The following RAB30 variants were observed in gnomAD, a reference collection of about 807,000 sequenced individuals.
RAB30 encodes the protein RAB30, member RAS oncogene family, also known as ras-related protein Rab-30.
In RAB30, 9 loss-of-function variants were observed where a neutral mutation model predicts 25.1. The observed-to-expected ratio is 0.36, with a 90% CI of 0.22 to 0.63. The LOEUF is 0.63. Ranked by LOEUF, RAB30 falls within the 20% of genes least tolerant of loss-of-function variation. The pLI is 0.69. For synonymous variants in RAB30, 77 were observed against 86.4 expected (o/e 0.89, Z 0.60); for missense variants, 140 against 243.5 (o/e 0.58, Z 2.83).
intron 2 of RAB30, among the ~76,000 whole-genome samples, chr11:82,996,024 T>C (rs2121460582): frequency 6.6e-6 from 1 of 152,346 alleles, no homozygotes; most frequent in Non-Finnish European, 1.5e-5. Context: ...TAATGTTAGG[T>C]AGAAGTAAAA....
Position 82,974,796 on chromosome 11 carries a change from T to C in RAB30, c.*7369A>G, listed in dbSNP as rs1856513900. On this transcript the variant is annotated 3_prime_UTR_variant, in exon 5 of 5. Transcript: ENST00000527633. ...AGCTGCTGAGATCTCCAGAATTATA[T>C]ATTTTGCATTTTATTTCATCTCTAT... is the stretch of plus-strand genomic sequence containing the variant. 6.6e-6 allele frequency: 1 copy of C among 152,144 alleles called. No homozygotes were observed. The highest frequency in any genetic ancestry group is 1.9e-4 in the East Asian group (1 of 5,206). The allele number at this position is 152,144 out of a possible 1,614,324, so 9.4% of individuals were successfully genotyped here.
At chr11:83,014,329 C>T (rs1474679957) in intron 1 of RAB30, among the ~76,000 whole-genome samples, 1 of 152,122 alleles carries the variant, frequency 6.6e-6, no homozygotes, top group Admixed American at 6.6e-5. Flanking sequence ...AGAAGGAACA[C>T]TTGAGACCAG....
intron 1 of RAB30, among the ~76,000 whole-genome samples, chr11:83,029,779 T>C (rs1455271447): frequency 2.0e-5 from 3 of 152,232 alleles, no homozygotes; most frequent in East Asian, 3.9e-4. Flanking sequence ...TGCAAAGATA[T>C]GGAACCGACC....
At chr11:82,998,303 C>T (rs1342749604) in intron 1 of RAB30, among the ~76,000 whole-genome samples, 1 of 152,160 alleles carries the variant, frequency 6.6e-6, no homozygotes, top group African/African-American at 2.4e-5. Flanking sequence ...GCTAGAAAGA[C>T]TGTGACTAAA....
At chr11:82,990,204 C>A (rs1481155200) in intron 3 of RAB30, among the ~76,000 whole-genome samples, 1 of 152,238 alleles carries the variant, frequency 6.6e-6, no homozygotes, top group Non-Finnish European at 1.5e-5. Context: ...TCCATTGCCT[C>A]ACCGTCATAA....
intron 1 of RAB30, among the ~76,000 whole-genome samples, chr11:83,014,170 A>G (rs988044902): frequency 6.6e-6 from 1 of 152,250 alleles, no homozygotes; most frequent in Non-Finnish European, 1.5e-5. Context: ...AAGTGCTAGT[A>G]GAGAATTAAA....
intron 1 of RAB30, among the ~76,000 whole-genome samples, chr11:83,045,135 T>C (rs537769022): frequency 6.6e-6 from 1 of 152,300 alleles, no homozygotes; most frequent in East Asian, 1.9e-4. Context: ...GACACTGAAC[T>C]CCCATTGACT....
intron 1 of RAB30, among the ~76,000 whole-genome samples, chr11:83,066,368 C>T (rs1174045104): frequency 1.3e-5 from 2 of 152,146 alleles, no homozygotes; most frequent in African/African-American, 4.8e-5. Context: ...TGTAATTTTA[C>T]TAATCTATAT....
intron 1 of RAB30, among the ~76,000 whole-genome samples, chr11:83,024,009 T>C (rs538609062): frequency 6.6e-6 from 1 of 152,260 alleles, no homozygotes; most frequent in South Asian, 2.1e-4. Context: ...TGCTCACAAT[T>C]ATTTACTTAT....
chr11:83,021,716 T>G (rs1483245495), intron 1 of RAB30, among the ~76,000 whole-genome samples: 1 of 151,966 alleles, frequency 6.6e-6, no homozygotes, highest in African/African-American at 2.4e-5. Context: ...TGAGCAAAAC[T>G]AGGGCAAAGG....
At chr11:83,069,743 T>C (rs1217479863) in intron 1 of RAB30, among the ~76,000 whole-genome samples, 1 of 152,224 alleles carries the variant, frequency 6.6e-6, no homozygotes, top group East Asian at 1.9e-4. Context: ...CATAGGCAGG[T>C]GCCAGTGAAA....
At chr11:83,054,520 TG>T (rs1217667776) in intron 1 of RAB30, among the ~76,000 whole-genome samples, 1 of 152,084 alleles carries the variant, frequency 6.6e-6, no homozygotes, top group East Asian at 1.9e-4. Flanking sequence ...AGCCTGTCCC[TG>T]GTCATCTAGG....
chr11:83,070,683 T>A (rs1565295991), intron 1 of RAB30, among the ~76,000 whole-genome samples: 1 of 152,190 alleles, frequency 6.6e-6, no homozygotes, highest in Non-Finnish European at 1.5e-5. Flanking sequence ...GAGCATCATG[T>A]AAGTCAGAAT....
chr11:82,992,483 T>C, intron 3 of RAB30: 1 of 434,324 alleles, frequency 2.3e-6, no homozygotes. Flanking sequence ...ATGGCAAGTA[T>C]CTAGAAAATG....
At chr11:83,010,219 G>A (rs1041704550) in intron 1 of RAB30, among the ~76,000 whole-genome samples, 7 of 152,232 alleles carry the variant, frequency 4.6e-5, no homozygotes, top group Admixed American at 3.9e-4. Context: ...GGGAGGGCAA[G>A]AAGGAAGGAT....
chr11:83,026,236 A>T (rs1857709784), intron 1 of RAB30, among the ~76,000 whole-genome samples: 1 of 152,202 alleles, frequency 6.6e-6, no homozygotes, highest in African/African-American at 2.4e-5. Flanking sequence ...ATACATAAAA[A>T]AAAATAAGGC....
chr11:82,977,862 G>A lies in RAB30; in HGVS notation c.*4303C>T, dbSNP rs1291705299. 6.6e-6 allele frequency: 1 copy of A among 152,104 alleles called. No homozygotes were observed. The highest frequency in any genetic ancestry group is 1.5e-5 in the Non-Finnish European group (1 of 68,020). 9.4% of individuals were successfully genotyped at this position (152,104 alleles called of 1,614,324 possible). ...GAAATGCCATCTCCCTTACTCTAAT[G>A]TTGCTATATTAATATGTGTTTTGAA... On this transcript the variant is annotated 3_prime_UTR_variant, in exon 5 of 5. Coordinates refer to ENST00000527633, the MANE Select transcript of RAB30 (RefSeq NM_001286060.2).
intron 2 of RAB30, among the ~76,000 whole-genome samples, chr11:82,997,001 G>C (rs986057281): frequency 2.0e-5 from 3 of 152,198 alleles, no homozygotes; most frequent in Non-Finnish European, 4.4e-5. Flanking sequence ...AGAGGCATGG[G>C]AGGGTTGGTG....
At position 82,977,241 on chromosome 11, in the gene RAB30, G is replaced by C. The variant is rs1856560596; in HGVS notation, c.*4924C>G. ...ATCAATGAATGGACCGACAAAGCAAGTCCAGCATAGGGCATAATGGAGGGC... is the reference window on the plus strand; with the variant it reads ...ATCAATGAATGGACCGACAAAGCAACTCCAGCATAGGGCATAATGGAGGGC... On this transcript the variant is annotated 3_prime_UTR_variant, in exon 5 of 5. Transcript: ENST00000527633. The C allele has an allele frequency of 6.6e-6, 1 of 152,166 alleles. No homozygotes were observed. The highest frequency in any genetic ancestry group is 1.5e-5 in the Non-Finnish European group (1 of 68,028). 9.4% of individuals were successfully genotyped at this position (152,166 alleles called of 1,614,324 possible).
Sources: allele counts gnomAD v4.1 joint callset (sites outside exome capture counted in the v4.1 genomes callset), GRCh38; gene constraint gnomAD v4.1.1; transcripts MANE v1.5; gene names NCBI Gene and HGNC (gene_info 2026-07-23, HGNC 2026-07-21).